The following NLGN1 variants were observed in gnomAD, a reference collection of about 807,000 sequenced individuals.
NLGN1 encodes neuroligin 1.
Under a neutral mutation model 65.5 loss-of-function variants are expected in NLGN1, and 12 were observed. That is an observed-to-expected ratio of 0.18 (90% confidence interval 0.12 to 0.30). The LOEUF (loss-of-function observed/expected upper bound fraction) is 0.30, where lower values mean the gene tolerates loss of function less well. Among genes scored for constraint, NLGN1 ranks in the 10% least tolerant of loss-of-function variants. The pLI is 1.00. For synonymous variants in NLGN1, 350 were observed against 359.5 expected, an observed-to-expected ratio of 0.97 and a Z score of 0.30; for missense variants, 750 against 1,007.1, an observed-to-expected ratio of 0.74 and a Z score of 3.46.
chr3:173,801,936 G>C (rs1033004403), intron 3 of NLGN1, among the ~76,000 whole-genome samples: 1 of 151,996 alleles, frequency 6.6e-6, no homozygotes, highest in African/African-American at 2.4e-5. Flanking sequence ...AAAACTATAA[G>C]AAGACTACTT....
At chr3:173,600,301 T>C (rs982686380) in intron 2 of NLGN1, among the ~76,000 whole-genome samples, 7 of 151,786 alleles carry the variant, frequency 4.6e-5, no homozygotes, top group African/African-American at 1.7e-4. Flanking sequence ...ATAACTACCA[T>C]GAATAACAAG....
downstream of NLGN1, among the ~76,000 whole-genome samples, chr3:174,290,635 AAAGT>A (rs1441312147): frequency 2.0e-5 from 3 of 151,156 alleles, no homozygotes; most frequent in Non-Finnish European, 3.0e-5. Flanking sequence ...GCACATATTG[AAAGT>A]AAGTATTTGC....
chr3:173,565,294 C>T (rs113839155), intron 2 of NLGN1, among the ~76,000 whole-genome samples: 1 of 152,142 alleles, frequency 6.6e-6, no homozygotes, highest in African/African-American at 2.4e-5. Flanking sequence ...AATGAAGTGA[C>T]TGTGAAGGCT....
At chr3:173,935,622 A>T (rs9990309) in intron 4 of NLGN1, among the ~76,000 whole-genome samples, 2,939 of 107,986 alleles carry the variant, frequency 0.027, 55 homozygotes, top group African/African-American at 0.082. Flanking sequence ...ACACACACAC[A>T]CTCTCTCTCT....
chr3:174,156,736 A>G (rs545889159), intron 4 of NLGN1, among the ~76,000 whole-genome samples: 1 of 151,894 alleles, frequency 6.6e-6, no homozygotes, highest in Non-Finnish European at 1.5e-5. Flanking sequence ...TAATATTAAC[A>G]AAGTCTGACT....
Position 173,537,211 on chromosome 3 carries a change from A to G in NLGN1, c.-320-67068A>G, listed in dbSNP as rs377539332. Among the ~76,000 whole-genome samples the G allele has an allele frequency of 4.6e-5, 7 of 152,278 alleles. No individual in the cohort carries two copies. In the East Asian group the frequency reaches 1.2e-3, roughly 25 times the overall value. Reference sequence around the variant, plus strand: ...TGACAAATAAAATTAATGATCACAAATCCACGTGTTGTCAACTTGACATCC... The same window carrying G: ...TGACAAATAAAATTAATGATCACAAGTCCACGTGTTGTCAACTTGACATCC... On this transcript the variant is annotated intron_variant, in intron 2 of 6. Coordinates refer to ENST00000457714, the Ensembl canonical transcript of NLGN1.
intron 3 of NLGN1, among the ~76,000 whole-genome samples, chr3:173,774,684 A>G (rs776233185): frequency 2.6e-5 from 4 of 152,082 alleles, no homozygotes; most frequent in Non-Finnish European, 4.4e-5. Flanking sequence ...TTCTTTGTTC[A>G]ATTTAAGATC....
chr3:174,008,894 A>G (rs1016429939), intron 4 of NLGN1, among the ~76,000 whole-genome samples: 2 of 152,258 alleles, frequency 1.3e-5, no homozygotes, highest in South Asian at 2.1e-4. Flanking sequence ...CATTTATTCA[A>G]TCATTCATTT....
chr3:173,480,035 CAT>C (rs1726997136), intron 2 of NLGN1, among the ~76,000 whole-genome samples: 2 of 151,976 alleles, frequency 1.3e-5, no homozygotes, highest in South Asian at 4.1e-4. Context: ...CAATTTTGGG[CAT>C]ATATTATTTA....
intron 3 of NLGN1, among the ~76,000 whole-genome samples, chr3:173,768,984 G>A (rs933764786): frequency 2.0e-5 from 3 of 152,062 alleles, no homozygotes; most frequent in African/African-American, 7.2e-5. Context: ...TGCCCAGGCT[G>A]GTGTTGAAAT....
intron 4 of NLGN1, among the ~76,000 whole-genome samples, chr3:174,219,622 G>A (rs1022685230): frequency 6.6e-6 from 1 of 152,162 alleles, no homozygotes; most frequent in Non-Finnish European, 1.5e-5. Flanking sequence ...CATCGTAGGA[G>A]TACAACAAAA....
At chr3:173,813,562 C>T (rs76605956) in intron 4 of NLGN1, among the ~76,000 whole-genome samples, 4,614 of 152,106 alleles carry the variant, frequency 0.03, 185 homozygotes, top group East Asian at 0.17. Flanking sequence ...GTCTTTATTT[C>T]TATTTTCATT....
chr3:174,073,855 A>G (rs181426771), intron 4 of NLGN1, among the ~76,000 whole-genome samples: 17 of 152,316 alleles, frequency 1.1e-4, no homozygotes, highest in Admixed American at 3.9e-4. Context: ...CATAAGATCC[A>G]CAGAGGAATA....
rs115611785 is a variant in NLGN1 at position 173,500,835 on chromosome 3, T to G, written c.-321+65757T>G. 1.3e-3 allele frequency among the ~76,000 whole-genome samples: 199 copies of G among 152,206 alleles called. 1 individual carries two copies. The highest frequency in any genetic ancestry group is 4.6e-3 in the African/African-American group (193 of 41,508). ...TACAAGCTCCCAAGATATCCTGGGCTTATGCTTCACAACACTGAGCCCATA... is the reference window on the plus strand; with the variant it reads ...TACAAGCTCCCAAGATATCCTGGGCGTATGCTTCACAACACTGAGCCCATA... On this transcript the variant is annotated intron_variant, in intron 2 of 6. Transcript: ENST00000457714.
intron 3 of NLGN1, among the ~76,000 whole-genome samples, chr3:173,781,520 C>G (rs1369368636): frequency 6.6e-6 from 1 of 152,076 alleles, no homozygotes; most frequent in Non-Finnish European, 1.5e-5. Flanking sequence ...TTATCGTACC[C>G]ATTTTTGACT....
At chr3:174,217,169 A>C (rs1308470549) in intron 4 of NLGN1, among the ~76,000 whole-genome samples, 1 of 152,088 alleles carries the variant, frequency 6.6e-6, no homozygotes, top group African/African-American at 2.4e-5. Flanking sequence ...GCATAACTCC[A>C]GTCTCTGCCT....
At position 173,906,913 on chromosome 3, in the gene NLGN1, G is replaced by A. The variant is rs557869847; in HGVS notation, c.646+99081G>A. Among the ~76,000 whole-genome samples, 8 of 149,364 alleles carry A rather than the reference G, an allele frequency of 5.4e-5. No individual in the cohort carries two copies. The South Asian group carries it at 6.4e-4, about 12-fold the overall frequency. ...AAAAAAAAAAGAAAGGGAAGTCCACGTTACTGAGGCTCTCTTTAATTAATA... is the reference window on the plus strand; with the variant it reads ...AAAAAAAAAAGAAAGGGAAGTCCACATTACTGAGGCTCTCTTTAATTAATA... On this transcript the variant is annotated intron_variant, in intron 4 of 6. Coordinates refer to ENST00000457714, the Ensembl canonical transcript of NLGN1.
At chr3:174,024,141 TAAAAAAAAAAAAA>T (rs34508881) in intron 4 of NLGN1, among the ~76,000 whole-genome samples, 1 of 86,038 alleles carries the variant, frequency 1.2e-5, no homozygotes, top group African/African-American at 4.4e-5. Context: ...AGAGTCCTAT[TAAAAAAAAAAAAA>T]AAAAAAAAAA....
In NLGN1 at chr3:173,817,025, G is replaced by T. The variant is rs79562090; in HGVS notation, c.646+9193G>T. 7.4e-3 allele frequency among the ~76,000 whole-genome samples: 1,127 copies of T among 152,290 alleles called. 17 individuals are homozygous for T. The highest frequency in any genetic ancestry group is 0.025 in the African/African-American group (1,020 of 41,552). ...TCCACAAAGCCCAAAATAGTTTCTG[G>T]CAAAGGATATTTTATCAGAAAATAT... is the stretch of plus-strand genomic sequence containing the variant. On this transcript the variant is annotated intron_variant, in intron 4 of 6. Coordinates refer to ENST00000457714, the Ensembl canonical transcript of NLGN1.
Sources: gnomAD v4.1 joint callset for allele counts (sites outside exome capture counted in the v4.1 genomes callset) on GRCh38, gnomAD v4.1.1 for gene constraint, MANE v1.5 for transcripts, NCBI Gene and HGNC (gene_info 2026-07-23, HGNC 2026-07-21) for gene names.